The following PARP11 variants were observed in gnomAD, a reference collection of about 807,000 sequenced individuals.
PARP11 encodes poly(ADP-ribose) polymerase family member 11.
Under a neutral mutation model 42.9 loss-of-function variants are expected in PARP11, and 31 were observed. That is an observed-to-expected ratio of 0.72 (90% CI 0.54 to 0.98). The LOEUF is 0.98. PARP11 is among the 50% of genes least tolerant of loss of function. The pLI is 0.00. For missense variants in PARP11, 365 were observed against 413.1 expected (o/e 0.88, Z 1.01); for synonymous variants, 137 against 127.3 (o/e 1.08, Z -0.51).
rs574384724 is a variant in PARP11, at chr12:3,836,498, T to C, written c.19-6480A>G. Among the ~76,000 whole-genome samples, 10 of 152,302 alleles carry C rather than the reference T, an allele frequency of 6.6e-5. No individual in the cohort carries two copies. The East Asian group carries it at 1.7e-3, about 26-fold the overall frequency. On this transcript the variant is annotated intron_variant, in intron 1 of 7. Transcript: ENST00000228820. ...ATAAAGGAAGTTTATCAGGCTGAAA[T>C]GATACTAGGCATTCGTAATAATCCA...
At chr12:3,865,928 T>C (rs1015620740) in intron 1 of PARP11, among the ~76,000 whole-genome samples, 7 of 152,048 alleles carry the variant, frequency 4.6e-5, no homozygotes, top group African/African-American at 9.7e-5. Context: ...TGTTCTCTTT[T>C]TTTTCTATCT....
intron 1 of PARP11, chr12:3,872,441 C>A (rs533745656): frequency 2.3e-6 from 2 of 879,386 alleles, no homozygotes; most frequent in African/African-American, 3.6e-5. Flanking sequence ...TCGGCCCCTA[C>A]GTTGCACTTT....
chr12:3,848,062 C>T (rs1312650464), intron 1 of PARP11, among the ~76,000 whole-genome samples: 2 of 151,932 alleles, frequency 1.3e-5, no homozygotes, highest in African/African-American at 2.4e-5. Context: ...ATTCAATTTA[C>T]AATAGCTACA....
rs182443541 is a variant in PARP11, at chr12:3,867,352, C to T, written c.18+5860G>A. ...TGGCAGCGTTTGCAAGATTATTCTTCCCACGCAAGTTTGCTGGCTGTCAAG... is the reference window on the plus strand; with the variant it reads ...TGGCAGCGTTTGCAAGATTATTCTTTCCACGCAAGTTTGCTGGCTGTCAAG... On this transcript the variant is annotated intron_variant, in intron 1 of 7. Coordinates refer to ENST00000228820, the MANE Select transcript of PARP11 (RefSeq NM_020367.6). 1.8e-4 allele frequency among the ~76,000 whole-genome samples: 27 copies of T among 152,252 alleles called. No homozygotes were observed. In the East Asian group the frequency reaches 4.8e-3, roughly 27 times the overall value.
chr12:3,863,634 G>A (rs1948337309), intron 1 of PARP11, among the ~76,000 whole-genome samples: 1 of 152,174 alleles, frequency 6.6e-6, no homozygotes, highest in South Asian at 2.1e-4. Flanking sequence ...AAACGCACAT[G>A]GGGTGAAGTC....
At chr12:3,829,152 G>A (rs549842363) in intron 2 of PARP11, 122 bp from the exon 3 acceptor site, 4 of 964,700 alleles carry the variant, frequency 4.1e-6, no homozygotes, top group Non-Finnish European at 4.7e-6. Context: ...CTAATCACCT[G>A]TTCTAGTTCC....
Position 3,828,968 on chromosome 12 carries a change from G to T in PARP11, c.210C>A (p.Asn70Lys). 1 of 1,613,884 alleles carries T rather than the reference G, an allele frequency of 6.2e-7. No individual in the cohort carries two copies. Among genetic ancestry groups the T allele is most frequent in the Non-Finnish European group, 8.5e-7 (1 of 1,179,818 alleles). ...TAGTAAAAGAAATGGAGCCACAAGG[G>T]TTTGTTTTGAAGCTTTTTTCGATAT... is the stretch of plus-strand genomic sequence containing the variant. ...SEDIEKSFKT[N>K]PCGSISFTTS... Residue 70 changes from asparagine (N) to lysine (K), a missense_variant, in exon 3 of 8, where the codon AAC becomes AAA. Asn to Lys is a moderately conservative substitution (Grantham distance 94). Coordinates refer to ENST00000228820, the MANE Select transcript of PARP11 (RefSeq NM_020367.6).
chr12:3,828,823 TA>T, intron 3 of PARP11, 86 bp downstream of exon 3: 1 of 1,184,528 alleles, frequency 8.4e-7, no homozygotes, highest in Non-Finnish European at 1.2e-6. Context: ...TGTTTGCAAA[TA>T]TATCAACTAA....
At chr12:3,856,960 G>A (rs1258361787) in intron 1 of PARP11, among the ~76,000 whole-genome samples, 2 of 152,148 alleles carry the variant, frequency 1.3e-5, no homozygotes, top group African/African-American at 2.4e-5. Flanking sequence ...AAAAAAGGAT[G>A]AGTTCAAGTC....
chr12:3,859,372 G>A (rs1948256419), intron 1 of PARP11, among the ~76,000 whole-genome samples: 1 of 151,814 alleles, frequency 6.6e-6, no homozygotes, highest in Non-Finnish European at 1.5e-5. Flanking sequence ...AGACCAACTT[G>A]ACCAACACGG....
At chr12:3,814,256 T>C (rs1224926085) in intron 6 of PARP11, 68 bp from the exon 7 acceptor site, 1 of 1,297,862 alleles carries the variant, frequency 7.7e-7, no homozygotes, top group Admixed American at 2.5e-5. Flanking sequence ...TTATTAATCT[T>C]AATGAGCAAG....
rs1947238377 is a variant in PARP11, at chr12:3,814,196, C to T, written c.549-8G>A. 6.4e-7 allele frequency: 1 copy of T among 1,573,150 alleles called. No individual in the cohort carries two copies. Among genetic ancestry groups the T allele is most frequent in the Non-Finnish European group, 8.7e-7 (1 of 1,154,790 alleles). The stretch of plus-strand genomic sequence containing the variant: ...TTGAGCTGAGCCTTTTTCCTAAAAA[C>T]ACAATATACACAGACACAAAAGCAC... On this transcript the variant is annotated splice_region_variant and splice_polypyrimidine_tract_variant and intron_variant, in intron 6 of 7. Transcript: ENST00000228820.
At chr12:3,850,585 G>A (rs1028607304) in intron 1 of PARP11, among the ~76,000 whole-genome samples, 13 of 152,132 alleles carry the variant, frequency 8.5e-5, no homozygotes, top group African/African-American at 1.2e-4. Flanking sequence ...GGCTGGATAC[G>A]CCAATGGCAG....
At chr12:3,862,358 A>G (rs1948309008) in intron 1 of PARP11, among the ~76,000 whole-genome samples, 1 of 152,088 alleles carries the variant, frequency 6.6e-6, no homozygotes, top group Non-Finnish European at 1.5e-5. Flanking sequence ...GAGACAGGCA[A>G]GAGGATTGCT....
chr12:3,810,229 A>T lies in PARP11; in HGVS notation c.*1894T>A, dbSNP rs1354067955. Reference sequence around the variant, plus strand: ...GATAATAGAGAGAAAATTCAGCATTAGAAGGAGTTAAGAGAAAAGCTTTCT... The same window carrying T: ...GATAATAGAGAGAAAATTCAGCATTTGAAGGAGTTAAGAGAAAAGCTTTCT... On this transcript the variant is annotated 3_prime_UTR_variant, in exon 8 of 8. Coordinates refer to ENST00000228820, the MANE Select transcript of PARP11 (RefSeq NM_020367.6). 6.6e-6 allele frequency: 1 copy of T among 152,234 alleles called. No homozygotes were observed. The highest frequency in any genetic ancestry group is 1.5e-5 in the Non-Finnish European group (1 of 68,046). 9.4% of individuals were successfully genotyped at this position (152,234 alleles called of 1,614,324 possible). A position where few individuals can be genotyped will look rare whatever the true frequency, so the allele number is the denominator to read the frequency against.
intron 1 of PARP11, among the ~76,000 whole-genome samples, chr12:3,852,111 A>AC (rs1383127740): frequency 6.6e-6 from 1 of 152,224 alleles, no homozygotes; most frequent in Non-Finnish European, 1.5e-5. Context: ...GGATATTCAC[A>AC]CCAAAACCCC....
intron 1 of PARP11, among the ~76,000 whole-genome samples, chr12:3,858,108 ACT>A (rs1948224484): frequency 6.6e-6 from 1 of 152,066 alleles, no homozygotes; most frequent in Non-Finnish European, 1.5e-5. Context: ...ATTTCGAAGG[ACT>A]CTGTATATCA....
At chr12:3,864,488 T>G (rs956837378) in intron 1 of PARP11, among the ~76,000 whole-genome samples, 4 of 152,240 alleles carry the variant, frequency 2.6e-5, no homozygotes, top group Non-Finnish European at 5.9e-5. Flanking sequence ...TAATTAGTAT[T>G]ATTTCTTCCT....
chr12:3,834,677 T>A (rs1947720871), intron 1 of PARP11, among the ~76,000 whole-genome samples: 2 of 149,048 alleles, frequency 1.3e-5, no homozygotes, highest in East Asian at 1.9e-4. Flanking sequence ...GTGGAAATAT[T>A]AATGAAAAAC....
Sources: allele counts gnomAD v4.1 joint callset (sites outside exome capture counted in the v4.1 genomes callset), GRCh38; gene constraint gnomAD v4.1.1; transcripts MANE v1.5; gene names NCBI Gene and HGNC (gene_info 2026-07-23, HGNC 2026-07-21).